GPC5: variants seen among roughly 807,000 people sequenced by gnomAD.
The protein encoded by GPC5 is glypican 5.
In GPC5, 47 loss-of-function variants were observed where a neutral mutation model predicts 53.9. The ratio of observed to expected loss-of-function variants is 0.87; its 90% CI spans 0.69 to 1.11. The LOEUF (loss-of-function observed/expected upper bound fraction) is 1.11, where lower values mean the gene tolerates loss of function less well. Ranked by LOEUF, GPC5 falls within the 50% of genes most tolerant of loss-of-function variation. GPC5 has a pLI of 0.00. For missense variants in GPC5, 748 were observed against 713.1 expected, an observed-to-expected ratio of 1.05 and a Z score of -0.56; for synonymous variants, 286 against 263.3, an observed-to-expected ratio of 1.09 and a Z score of -0.84.
intron 5 of GPC5, among the ~76,000 whole-genome samples, chr13:91,764,019 G>T (rs1257686490): frequency 3.3e-5 from 5 of 152,080 alleles, no homozygotes; most frequent in African/African-American, 9.7e-5. Context: ...AAAACTTGGT[G>T]TTGTTTTTTA....
rs2043583398 is a variant in GPC5, at chr13:92,363,336, C to T, written c.1561+218347C>T. ...TTGGCCCTAGACCAGAGGTCCCCAA[C>T]ATTTTTGGCACCAGGGACCGGTTTT... is the stretch of plus-strand genomic sequence containing the variant. On this transcript the variant is annotated intron_variant, in intron 7 of 7. Transcript: ENST00000377067. Among the ~76,000 whole-genome samples, 3 of 151,622 alleles carry T rather than the reference C, an allele frequency of 2.0e-5. No individual in the cohort carries two copies. In the South Asian group the frequency reaches 6.2e-4, roughly 31 times the overall value.
At chr13:91,576,477 T>C (rs1049922119) in intron 2 of GPC5, among the ~76,000 whole-genome samples, 1 of 152,042 alleles carries the variant, frequency 6.6e-6, no homozygotes, top group East Asian at 1.9e-4. Context: ...AGTAAGTATA[T>C]TGGGAAAAAT....
intron 2 of GPC5, among the ~76,000 whole-genome samples, chr13:91,629,670 A>T (rs1259858820): frequency 6.6e-6 from 1 of 152,074 alleles, no homozygotes; most frequent in African/African-American, 2.4e-5. Context: ...TTTTTTTCAA[A>T]GAGGACTAGG....
intron 6 of GPC5, among the ~76,000 whole-genome samples, chr13:91,937,957 C>T (rs1483355933): frequency 1.3e-5 from 2 of 151,940 alleles, no homozygotes; most frequent in Non-Finnish European, 2.9e-5. Flanking sequence ...TGTTGATATT[C>T]CCCTATATGT....
At chr13:91,435,146 G>A (rs1879819031) in intron 1 of GPC5, among the ~76,000 whole-genome samples, 1 of 152,176 alleles carries the variant, frequency 6.6e-6, no homozygotes, top group South Asian at 2.1e-4. Context: ...GGGACAATTT[G>A]ACTTTCTGTT....
chr13:91,635,422 T>C (rs1484536008), intron 2 of GPC5, among the ~76,000 whole-genome samples: 1 of 152,108 alleles, frequency 6.6e-6, no homozygotes, highest in East Asian at 1.9e-4. Context: ...TAAATACCCA[T>C]GTACTACTAT....
intron 7 of GPC5, among the ~76,000 whole-genome samples, chr13:92,391,507 C>G (rs1375710373): frequency 6.6e-6 from 1 of 152,058 alleles, no homozygotes; most frequent in African/African-American, 2.4e-5. Flanking sequence ...ATGCTGAATA[C>G]CTTCAGACTT....
intron 7 of GPC5, among the ~76,000 whole-genome samples, chr13:92,205,081 T>C (rs1401112825): frequency 6.6e-6 from 1 of 152,154 alleles, no homozygotes; most frequent in Non-Finnish European, 1.5e-5. Flanking sequence ...GGTTTCACCA[T>C]GTTAGCTAAG....
At chr13:91,762,953 A>G (rs1182234261) in intron 5 of GPC5, among the ~76,000 whole-genome samples, 1 of 152,008 alleles carries the variant, frequency 6.6e-6, no homozygotes, top group African/African-American at 2.4e-5. Flanking sequence ...TTTTGCATTT[A>G]TATGTCACAC....
At chr13:92,696,024 G>C (rs1279135579) in intron 7 of GPC5, among the ~76,000 whole-genome samples, 1 of 152,168 alleles carries the variant, frequency 6.6e-6, no homozygotes, top group Non-Finnish European at 1.5e-5. Flanking sequence ...AAAAGGACAT[G>C]AACTCATCCT....
chr13:92,510,311 G>A (rs2138951007), intron 7 of GPC5, among the ~76,000 whole-genome samples: 1 of 152,172 alleles, frequency 6.6e-6, no homozygotes, highest in South Asian at 2.1e-4. Flanking sequence ...TAATTTGAGG[G>A]ATGTCAAAAT....
At chr13:92,064,220 A>G (rs7996100) in intron 6 of GPC5, among the ~76,000 whole-genome samples, 84,810 of 152,068 alleles carry the variant, frequency 0.56, 23,983 homozygotes, top group East Asian at 0.79. Context: ...CTTGTAATAT[A>G]TTAGGCTATT....
intron 7 of GPC5, among the ~76,000 whole-genome samples, chr13:92,721,171 G>T (rs961389062): frequency 3.3e-5 from 5 of 151,896 alleles, no homozygotes; most frequent in Non-Finnish European, 7.4e-5. Context: ...GGTGCACAGG[G>T]AAGATGACCA....
At chr13:91,838,077 A>T (rs547969170) in intron 5 of GPC5, among the ~76,000 whole-genome samples, 10 of 152,194 alleles carry the variant, frequency 6.6e-5, no homozygotes, top group African/African-American at 2.2e-4. Flanking sequence ...ATCATCAGGC[A>T]TATTTAAGAG....
chr13:92,768,686 C>T (rs768376841), intron 7 of GPC5, among the ~76,000 whole-genome samples: 38 of 151,850 alleles, frequency 2.5e-4, no homozygotes, highest in Non-Finnish European at 3.8e-4. Flanking sequence ...TGCCAATTCC[C>T]GAAGCTGGCC....
chr13:92,753,202 T>A (rs1250489552), intron 7 of GPC5, among the ~76,000 whole-genome samples: 1 of 152,084 alleles, frequency 6.6e-6, no homozygotes. Context: ...GCAGCCTAAC[T>A]GGGAGGCACC....
chr13:91,779,042 C>G (rs796528705), intron 5 of GPC5, among the ~76,000 whole-genome samples: 11 of 152,278 alleles, frequency 7.2e-5, no homozygotes, highest in African/African-American at 2.6e-4. Flanking sequence ...AAATTGTATT[C>G]CTGTATAGCA....
At chr13:92,159,404 A>C (rs950289788) in intron 7 of GPC5, among the ~76,000 whole-genome samples, 2 of 152,110 alleles carry the variant, frequency 1.3e-5, no homozygotes, top group Non-Finnish European at 2.9e-5. Flanking sequence ...CTTTACCTCC[A>C]TCGCTAGTCT....
intron 7 of GPC5, among the ~76,000 whole-genome samples, chr13:92,395,732 T>G (rs903622463): frequency 6.6e-6 from 1 of 152,110 alleles, no homozygotes; most frequent in East Asian, 1.9e-4. Flanking sequence ...CCCTTTTCAA[T>G]GGTGCACATA....
Sources: gnomAD v4.1 joint callset for allele counts (sites outside exome capture counted in the v4.1 genomes callset) on GRCh38, gnomAD v4.1.1 for gene constraint, MANE v1.5 for transcripts, NCBI Gene and HGNC (gene_info 2026-07-23, HGNC 2026-07-21) for gene names.